The following TMEM132B variants were observed in gnomAD, a reference collection of about 807,000 sequenced individuals.
The protein encoded by TMEM132B is transmembrane protein 132B.
A neutral mutation model predicts 90.8 loss-of-function variants in TMEM132B; 18 were observed. The ratio of observed to expected loss-of-function variants is 0.20; its 90% CI spans 0.14 to 0.29. The LOEUF (loss-of-function observed/expected upper bound fraction) is 0.29. TMEM132B is among the 10% of genes least tolerant of loss of function. The pLI is 1.00. For synonymous variants in TMEM132B, 504 were observed against 523.3 expected (o/e 0.96, Z 0.50); for missense variants, 1,096 against 1,326.8 (o/e 0.83, Z 2.70).
intron 2 of TMEM132B, among the ~76,000 whole-genome samples, chr12:125,369,562 A>G (rs1878232442): frequency 6.6e-6 from 1 of 152,338 alleles, no homozygotes; most frequent in African/African-American, 2.4e-5. Flanking sequence ...AGGTTGATAA[A>G]TGACAAAGAT....
Position 125,625,384 on chromosome 12 carries a change from C to T in TMEM132B, c.1438-18692C>T, listed in dbSNP as rs189533969. 9.9e-5 allele frequency among the ~76,000 whole-genome samples: 15 copies of T among 152,224 alleles called. No homozygotes were observed. The South Asian group carries it at 2.7e-3, about 27-fold the overall frequency. On this transcript the variant is annotated intron_variant, in intron 5 of 8. Transcript: ENST00000682704. ...TCGTGACCTCATGATCCGCCCACCT[C>T]GGCCTCCCAAAGTGCTGGGATTACA...
chr12:125,193,340 T>C (rs7302475), intron 1 of TMEM132B, among the ~76,000 whole-genome samples: 42,976 of 152,062 alleles, frequency 0.28, 6,425 homozygotes, highest in East Asian at 0.47. Flanking sequence ...ACTTCTGCCC[T>C]GATGGTGCCT....
chr12:125,439,430 A>G (rs1329592197), intron 3 of TMEM132B, among the ~76,000 whole-genome samples: 2 of 152,050 alleles, frequency 1.3e-5, no homozygotes, highest in Non-Finnish European at 2.9e-5. Context: ...TTTTGTGGCA[A>G]TTGTGAATAG....
Position 125,456,573 on chromosome 12 carries a change from GAGGGAGGT to G in TMEM132B, c.1106+40897_1106+40904del, listed in dbSNP as rs1372222606. Among the ~76,000 whole-genome samples, 72 of 152,356 alleles carry G rather than the reference GAGGGAGGT, an allele frequency of 4.7e-4. 1 individual carries two copies. The highest frequency in any genetic ancestry group is 1.6e-3 in the African/African-American group (65 of 41,588). The stretch of plus-strand genomic sequence containing the variant: ...GAGGAGCCTTCAGCCCTAAAGGGAA[GAGGGAGGT>G]GCAGGGTTTTTGTTGCTTTAAATCT... On this transcript the variant is annotated intron_variant, in intron 3 of 8. Coordinates refer to ENST00000682704, the MANE Select transcript of TMEM132B (RefSeq NM_001366854.1).
chr12:125,413,006 G>A (rs1312365294), intron 2 of TMEM132B, among the ~76,000 whole-genome samples: 1 of 152,108 alleles, frequency 6.6e-6, no homozygotes, highest in East Asian at 1.9e-4. Context: ...GCGTGCAAGA[G>A]CAAGCAGAAG....
chr12:125,198,092 T>C (rs541595931), intron 1 of TMEM132B, among the ~76,000 whole-genome samples: 2 of 152,354 alleles, frequency 1.3e-5, no homozygotes, highest in African/African-American at 2.4e-5. Flanking sequence ...ACCTTGTGTT[T>C]CTTCATATTG....
chr12:125,334,730 T>C (rs1423910228), intron 1 of TMEM132B, among the ~76,000 whole-genome samples: 1 of 152,224 alleles, frequency 6.6e-6, no homozygotes, highest in Non-Finnish European at 1.5e-5. Flanking sequence ...CTGTGAATGC[T>C]ATATGCAAAT....
At chr12:125,403,161 G>A (rs2136323984) in intron 2 of TMEM132B, among the ~76,000 whole-genome samples, 1 of 152,300 alleles carries the variant, frequency 6.6e-6, no homozygotes. Flanking sequence ...AGCTGCAACT[G>A]CCCTTTAGAG....
At chr12:125,225,339 A>G (rs1476752784) in intron 1 of TMEM132B, among the ~76,000 whole-genome samples, 2 of 152,180 alleles carry the variant, frequency 1.3e-5, no homozygotes, top group Admixed American at 1.3e-4. Context: ...AGGTTAGAAA[A>G]CTGTCAAGAA....
At chr12:125,580,063 C>T (rs909225375) in intron 4 of TMEM132B, among the ~76,000 whole-genome samples, 1 of 152,104 alleles carries the variant, frequency 6.6e-6, no homozygotes, top group African/African-American at 2.4e-5. Flanking sequence ...CTTTAAATAC[C>T]TGACACCTGC....
intron 1 of TMEM132B, among the ~76,000 whole-genome samples, chr12:125,333,527 C>T (rs1452315871): frequency 6.6e-6 from 1 of 152,184 alleles, no homozygotes; most frequent in Non-Finnish European, 1.5e-5. Context: ...ACTCTGCCCT[C>T]CTCAGTGTTG....
rs529458055 is a variant in TMEM132B, at chr12:125,538,709, T to C, written c.1293+19084T>C. Among the ~76,000 whole-genome samples the C allele has an allele frequency of 2.0e-5, 3 of 152,346 alleles. No individual in the cohort carries two copies. In the South Asian group the frequency reaches 6.2e-4, roughly 32 times the overall value. On this transcript the variant is annotated intron_variant, in intron 4 of 8. Coordinates refer to ENST00000682704, the MANE Select transcript of TMEM132B (RefSeq NM_001366854.1). ...GGCATTCGTTTTTGAAAACCTGATT[T>C]GTAAAGGGTTTACTAAGATTTTGGT... is the stretch of plus-strand genomic sequence containing the variant.
At chr12:125,263,857 G>A (rs1441347620) in intron 1 of TMEM132B, among the ~76,000 whole-genome samples, 4 of 152,160 alleles carry the variant, frequency 2.6e-5, no homozygotes, top group African/African-American at 9.7e-5. Flanking sequence ...ACCATCTGAG[G>A]GAATTGTGGA....
chr12:125,462,367 G>C (rs531506009), intron 3 of TMEM132B, among the ~76,000 whole-genome samples: 24 of 150,528 alleles, frequency 1.6e-4, no homozygotes, highest in Non-Finnish European at 3.0e-4. Flanking sequence ...TGCTATGCCT[G>C]GTTGTGCTGA....
At chr12:125,559,559 C>T (rs940782286) in intron 4 of TMEM132B, among the ~76,000 whole-genome samples, 1 of 152,208 alleles carries the variant, frequency 6.6e-6, no homozygotes, top group African/African-American at 2.4e-5. Context: ...CAGACGCCCT[C>T]CTGGTCTCAG....
chr12:125,652,868 C>G (rs1886962612), intron 8 of TMEM132B, among the ~76,000 whole-genome samples: 1 of 152,250 alleles, frequency 6.6e-6, no homozygotes, highest in South Asian at 2.1e-4. Flanking sequence ...TTGCTTTCCC[C>G]TGGGCTTATC....
intron 2 of TMEM132B, among the ~76,000 whole-genome samples, chr12:125,374,694 G>A (rs1878422703): frequency 6.8e-6 from 1 of 146,938 alleles, no homozygotes; most frequent in Non-Finnish European, 1.5e-5. Context: ...ATTTCTGCTT[G>A]GCAACCTTGC....
rs373994151 is a variant in TMEM132B, at chr12:125,200,131, G to A, written c.67+13265G>A. On this transcript the variant is annotated intron_variant, in intron 1 of 8. Transcript: ENST00000682704. ...AACCACACTTGTCTTAATAGAGTTC[G>A]TGTGTGTGTGATTTCATTCTGCCTT... Among the ~76,000 whole-genome samples the A allele has an allele frequency of 3.0e-4, 46 of 152,264 alleles. No individual in the cohort carries two copies. In the South Asian group the frequency reaches 5.0e-3, roughly 16 times the overall value.
In TMEM132B at chr12:125,332,657, C is replaced by T. The variant is rs1876821142; in HGVS notation, c.68-16795C>T. 2.4e-5 allele frequency among the ~76,000 whole-genome samples: 3 copies of T among 124,468 alleles called. No homozygotes were observed. The East Asian group carries it at 7.8e-4, about 32-fold the overall frequency. The allele number at this position is 124,468 out of a possible 152,430, so 81.7% of individuals were successfully genotyped here. ...GCTTTGGTAGGTGAAAAGGGGTTTC[C>T]AAGCACTTGGAGATTCAACAGGATT... On this transcript the variant is annotated intron_variant, in intron 1 of 8. Transcript: ENST00000682704.
Sources: allele counts gnomAD v4.1 joint callset (sites outside exome capture counted in the v4.1 genomes callset), GRCh38; gene constraint gnomAD v4.1.1; transcripts MANE v1.5; gene names NCBI Gene and HGNC (gene_info 2026-07-23, HGNC 2026-07-21).